The following MESD variants were observed in gnomAD, a reference collection of about 807,000 sequenced individuals.
The protein encoded by MESD is LRP chaperone MESD.
A neutral mutation model predicts 12.9 loss-of-function variants in MESD; 7 were observed. The ratio of observed to expected loss-of-function variants is 0.54; its 90% CI spans 0.31 to 1.02. MESD has a LOEUF of 1.02. Among genes scored for constraint, MESD ranks in the 50% least tolerant of loss-of-function variants. MESD has a pLI of 0.05. For synonymous variants in MESD, 126 were observed against 115.6 expected (o/e 1.09, Z -0.58); for missense variants, 342 against 296.7 (o/e 1.15, Z -1.12).
In MESD at chr15:80,952,187, A is replaced by C. The variant is rs1348044841; in HGVS notation, c.*398T>G. On this transcript the variant is annotated 3_prime_UTR_variant, in exon 4 of 5. Coordinates refer to the MESD transcript ENST00000561312. The stretch of plus-strand genomic sequence containing the variant: ...TTTGGCTGGAGGCCAAACACGTTTG[A>C]CAAGAGCATGGGGGCTGAGGTGGGA... 6.6e-6 allele frequency: 3 copies of C among 456,154 alleles called. No individual in the cohort carries two copies. The Admixed American group carries it at 7.0e-5, about 11-fold the overall frequency. 28.3% of individuals were successfully genotyped at this position (456,154 alleles called of 1,614,324 possible). A position where few individuals can be genotyped will look rare whatever the true frequency, so the allele number is the denominator to read the frequency against.
downstream of MESD, chr15:80,946,687 AGAGACATGT>A: frequency 2.2e-6 from 1 of 458,736 alleles, no homozygotes; most frequent in Non-Finnish European, 4.1e-6. Context: ...CTGTTTGGAG[AGAGACATGT>A]AAACGCGGTG....
chr15:80,947,003 C>T, downstream of MESD: 1 of 1,613,990 alleles, frequency 6.2e-7, no homozygotes, highest in Non-Finnish European at 8.5e-7. Context: ...AGATACGTCT[C>T]CAGAGGCCCA....
At chr15:80,974,698 A>G (rs190581393), downstream of MESD, among the ~76,000 whole-genome samples, 335 of 151,064 alleles carry the variant, frequency 2.2e-3, 3 homozygotes, top group African/African-American at 7.6e-3. Flanking sequence ...TGAATCTGCA[A>G]TCAATTAGAA....
At position 80,975,807 on chromosome 15, in the gene MESD, CAAGACAAAAAGG is replaced by C. The variant is rs1237585611; in HGVS notation, c.*3400_*3411del. The C allele has an allele frequency of 6.6e-6, 1 of 151,880 alleles. No homozygotes were observed. Among genetic ancestry groups the C allele is most frequent in the African/African-American group, 2.4e-5 (1 of 41,348 alleles). The allele number at this position is 151,880 out of a possible 1,614,324, so 9.4% of individuals were successfully genotyped here. A position where few individuals can be genotyped will look rare whatever the true frequency, so the allele number is the denominator to read the frequency against. On this transcript the variant is annotated 3_prime_UTR_variant, in exon 3 of 3. Coordinates refer to ENST00000261758, the MANE Select transcript of MESD (RefSeq NM_015154.3). ...TTAGATCACTAGATATTAAAACAAA[CAAGACAAAAAGG>C]AAGACAAATTCATTAAAAACAGGAC...
chr15:80,979,508 G>A, intron 2 of MESD, 31 bp from the exon 3 acceptor site: 1 of 1,607,562 alleles, frequency 6.2e-7, no homozygotes, highest in Non-Finnish European at 8.5e-7. Context: ...CAGTCAGCCA[G>A]CACGTACTAG....
chr15:80,964,462 C>A (rs1446015828), intron 3 of MESD, among the ~76,000 whole-genome samples: 2 of 152,332 alleles, frequency 1.3e-5, no homozygotes, highest in African/African-American at 4.8e-5. Context: ...TTGGAAAAAA[C>A]TACTTTAAAT....
chr15:80,951,735 T>C (rs903765067), intron 4 of MESD: 2 of 152,794 alleles, frequency 1.3e-5, no homozygotes, highest in Non-Finnish European at 2.9e-5. Flanking sequence ...TTTGGAAAAA[T>C]TTTGCTGTTA....
chr15:80,969,073 C>T (rs1283813106), intron 3 of MESD, among the ~76,000 whole-genome samples: 1 of 152,118 alleles, frequency 6.6e-6, no homozygotes, highest in Admixed American at 6.5e-5. Flanking sequence ...CACCTGTGGT[C>T]CCAGCTACCC....
chr15:80,947,365 T>C, exon 5 of MESD: 1 of 392,238 alleles, frequency 2.5e-6, no homozygotes, highest in South Asian at 2.5e-5. Flanking sequence ...AAAAGTATCA[T>C]AAGAAAAGTG....
At chr15:80,988,064 C>T (rs891046422) in intron 1 of MESD, among the ~76,000 whole-genome samples, 19 of 152,188 alleles carry the variant, frequency 1.2e-4, no homozygotes, top group African/African-American at 4.6e-4. Flanking sequence ...TAGCTTAATC[C>T]ACGTCTTCCT....
intron 1 of MESD, among the ~76,000 whole-genome samples, chr15:80,982,581 A>G (rs1379464523): frequency 1.3e-5 from 2 of 152,234 alleles, no homozygotes; most frequent in Non-Finnish European, 2.9e-5. Flanking sequence ...CAGATACAAA[A>G]TAAGATTTAC....
chr15:80,979,181 G>A lies in MESD; in HGVS notation c.*38C>T, dbSNP rs377356965. ...AGGAGCTGGGCAAAGAGCTCTCCACGTCCACCTGTCCCCCCACAGCGCGTC... is the reference window on the plus strand; with the variant it reads ...AGGAGCTGGGCAAAGAGCTCTCCACATCCACCTGTCCCCCCACAGCGCGTC... On this transcript the variant is annotated 3_prime_UTR_variant, in exon 3 of 3. Coordinates refer to ENST00000261758, the MANE Select transcript of MESD (RefSeq NM_015154.3). The A allele has an allele frequency of 1.3e-5, 21 of 1,590,338 alleles. No homozygotes were observed. Among genetic ancestry groups the A allele is most frequent in the East Asian group, 6.7e-5 (3 of 44,770 alleles).
In MESD at chr15:80,989,495, G is replaced by C. The variant is rs183189774; in HGVS notation, c.213+84C>G. ...TAGAGGAGGTTAGGGGGTCAGAAAG[G>C]TCCCAAGACAGAACAGGTAAGGGGT... is the stretch of plus-strand genomic sequence containing the variant. On this transcript the variant is annotated intron_variant, in intron 1 of 2. Coordinates refer to ENST00000261758, the MANE Select transcript of MESD (RefSeq NM_015154.3). 9.9e-3 allele frequency: 14,455 copies of C among 1,458,166 alleles called. 109 individuals carry two copies. The highest frequency in any genetic ancestry group is 0.015 in the South Asian group (1,211 of 80,446). 90.3% of individuals were successfully genotyped at this position (1,458,166 alleles called of 1,614,324 possible). A position where few individuals can be genotyped will look rare whatever the true frequency, so the allele number is the denominator to read the frequency against.
chr15:80,949,709 G>A (rs1901735101), intron 4 of MESD: 1 of 153,342 alleles, frequency 6.5e-6, no homozygotes, highest in Admixed American at 6.5e-5. Context: ...CAGTCCAGTA[G>A]GGCAGGCAGT....
Position 80,981,453 on chromosome 15 carries a change from A to C in MESD, c.446+497T>G, listed in dbSNP as rs1056095927. 1.2e-4 allele frequency among the ~76,000 whole-genome samples: 18 copies of C among 151,246 alleles called. 2 individuals are homozygous for C. The highest frequency in any genetic ancestry group is 2.7e-4 in the African/African-American group (11 of 41,214). On this transcript the variant is annotated intron_variant, in intron 2 of 2. Transcript: ENST00000261758. The stretch of plus-strand genomic sequence containing the variant: ...CTCCGTCTCAAAAAAAAAAAAAAAA[A>C]AAACAAACTAGATAGATAAATAATT...
intron 3 of MESD, among the ~76,000 whole-genome samples, chr15:80,963,644 C>T (rs1902126593): frequency 6.6e-6 from 1 of 152,188 alleles, no homozygotes; most frequent in South Asian, 2.1e-4. Context: ...ATCAAGTCGG[C>T]TTCATCCCTG....
downstream of MESD, among the ~76,000 whole-genome samples, chr15:80,971,239 T>C (rs1474425164): frequency 6.6e-6 from 1 of 152,178 alleles, no homozygotes; most frequent in Non-Finnish European, 1.5e-5. Context: ...CCCTACCTGG[T>C]CAACGAGGTA....
chr15:80,979,094 C>T lies in MESD; in HGVS notation c.*125G>A. 3 of 1,327,524 alleles carry T rather than the reference C, an allele frequency of 2.3e-6. No individual in the cohort carries two copies. In the Admixed American group the frequency reaches 6.8e-5, roughly 30 times the overall value. 82.2% of individuals were successfully genotyped at this position (1,327,524 alleles called of 1,614,324 possible). On this transcript the variant is annotated 3_prime_UTR_variant, in exon 3 of 3. Transcript: ENST00000261758. Reference sequence around the variant, plus strand: ...GACCACAAACTGGTCATGTGGCAGACCCTTTCTAGAAGACACTAGAATGTC... The same window carrying T: ...GACCACAAACTGGTCATGTGGCAGATCCTTTCTAGAAGACACTAGAATGTC...
At chr15:80,969,888 C>T (rs533105281) in intron 3 of MESD, among the ~76,000 whole-genome samples, 4 of 152,324 alleles carry the variant, frequency 2.6e-5, no homozygotes, top group Non-Finnish European at 5.9e-5. Context: ...GGCTTTGTCA[C>T]TGCCTTGCAG....
Sources: gnomAD v4.1 joint callset for allele counts (sites outside exome capture counted in the v4.1 genomes callset) on GRCh38, gnomAD v4.1.1 for gene constraint, MANE v1.5 for transcripts, NCBI Gene and HGNC (gene_info 2026-07-23, HGNC 2026-07-21) for gene names.